Variants in GRM7 observed in about 807,000 individuals in gnomAD.
The protein encoded by GRM7 is metabotropic glutamate receptor 7.
GRM7 carries 35 observed loss-of-function variants against 84.5 expected under a neutral mutation model. The ratio of observed to expected loss-of-function variants is 0.41; its 90% confidence interval spans 0.32 to 0.55. The LOEUF (loss-of-function observed/expected upper bound fraction) is 0.55. Ranked by LOEUF, GRM7 falls within the 20% of genes least tolerant of loss-of-function variation. GRM7 has a pLI of 0.19. For missense variants in GRM7, 1,003 were observed against 1,194.6 expected (o/e 0.84, Z 2.36); for synonymous variants, 487 against 455.1 (o/e 1.07, Z -0.89).
intron 4 of GRM7, among the ~76,000 whole-genome samples, chr3:7,374,145 T>C (rs2125121126): frequency 6.6e-6 from 1 of 152,254 alleles, no homozygotes; most frequent in African/African-American, 2.4e-5. Context: ...CTTACTTGCA[T>C]GAAATATTAG....
chr3:7,447,156 C>T (rs375737696), intron 5 of GRM7, among the ~76,000 whole-genome samples: 18 of 151,974 alleles, frequency 1.2e-4, no homozygotes, highest in Admixed American at 5.9e-4. Flanking sequence ...TTATCTAAAC[C>T]GCAGACTCTT....
At chr3:6,969,650 C>G (rs1028851989) in intron 1 of GRM7, among the ~76,000 whole-genome samples, 4 of 152,176 alleles carry the variant, frequency 2.6e-5, no homozygotes, top group Non-Finnish European at 5.9e-5. Flanking sequence ...AATCCATTAT[C>G]CATCAGTTCT....
intron 4 of GRM7, among the ~76,000 whole-genome samples, chr3:7,412,752 C>G (rs1056952247): frequency 1.3e-5 from 2 of 151,758 alleles, no homozygotes; most frequent in Non-Finnish European, 2.9e-5. Flanking sequence ...ATTTATCTGT[C>G]TAATAAAAGG....
intron 2 of GRM7, among the ~76,000 whole-genome samples, chr3:7,225,461 AT>A (rs1460178720): frequency 6.8e-6 from 1 of 147,692 alleles, no homozygotes; most frequent in Non-Finnish European, 1.5e-5. Flanking sequence ...TATTAAAGAA[AT>A]TATAATTATA....
chr3:7,602,317 A>C (rs1696355353), intron 8 of GRM7, among the ~76,000 whole-genome samples: 1 of 152,226 alleles, frequency 6.6e-6, no homozygotes, highest in Middle Eastern at 3.4e-3. Flanking sequence ...ATCAGGTTTT[A>C]CAACCTGTGA....
chr3:7,703,793 G>A lies in GRM7; in HGVS notation c.2698+23498G>A, dbSNP rs545316425. On this transcript the variant is annotated intron_variant, in intron 9 of 9. Coordinates refer to ENST00000357716, the MANE Select transcript of GRM7 (RefSeq NM_000844.4). ...GCAGAAATGGAGGCTTAGAGAGACTGTGTAAGTTACTAAGTTCACATGGCT... is the reference window on the plus strand; with the variant it reads ...GCAGAAATGGAGGCTTAGAGAGACTATGTAAGTTACTAAGTTCACATGGCT... 2.6e-5 allele frequency among the ~76,000 whole-genome samples: 4 copies of A among 152,300 alleles called. No individual in the cohort carries two copies. In the South Asian group the frequency reaches 8.3e-4, roughly 32 times the overall value.
chr3:7,275,238 A>G (rs1055077535), intron 2 of GRM7, among the ~76,000 whole-genome samples: 2 of 152,166 alleles, frequency 1.3e-5, no homozygotes, highest in Non-Finnish European at 2.9e-5. Context: ...GCTGTTTTAA[A>G]TACGTGCTTC....
At chr3:7,174,779 A>T (rs942494979) in intron 2 of GRM7, among the ~76,000 whole-genome samples, 1 of 152,226 alleles carries the variant, frequency 6.6e-6, no homozygotes, top group African/African-American at 2.4e-5. Flanking sequence ...CTAGAGGCAA[A>T]GGGTACTGAT....
At chr3:7,242,260 T>A (rs551587318) in intron 2 of GRM7, among the ~76,000 whole-genome samples, 1 of 152,332 alleles carries the variant, frequency 6.6e-6, no homozygotes, top group South Asian at 2.1e-4. Flanking sequence ...GATGGATTCA[T>A]AATACGGGAT....
At chr3:7,161,370 TA>T (rs1694618781) in intron 2 of GRM7, among the ~76,000 whole-genome samples, 1 of 151,446 alleles carries the variant, frequency 6.6e-6, no homozygotes, top group African/African-American at 2.4e-5. Context: ...CGCTAGTAGT[TA>T]AAAAGGTGTT....
At chr3:6,989,181 A>G (rs1389034771) in intron 1 of GRM7, among the ~76,000 whole-genome samples, 1 of 152,222 alleles carries the variant, frequency 6.6e-6, no homozygotes, top group Non-Finnish European at 1.5e-5. Flanking sequence ...CTTTAAAGGT[A>G]TTTTGATGTT....
chr3:7,262,581 A>G (rs868221549), intron 2 of GRM7, among the ~76,000 whole-genome samples: 25 of 152,234 alleles, frequency 1.6e-4, no homozygotes, highest in Middle Eastern at 3.4e-3. Context: ...ACATTTTCAC[A>G]TTGTGAATTC....
rs949851289 is a variant in GRM7, at chr3:7,139,225, G to T, written c.520-7227G>T. On this transcript the variant is annotated intron_variant, in intron 1 of 9. Coordinates refer to ENST00000357716, the MANE Select transcript of GRM7 (RefSeq NM_000844.4). The stretch of plus-strand genomic sequence containing the variant: ...AAAGAAAGAACACCACAGAGATTTG[G>T]ACGTTTTGTCATATTTTCTTTTTAC... 2.0e-5 allele frequency among the ~76,000 whole-genome samples: 3 copies of T among 151,218 alleles called. No individual in the cohort carries two copies. The East Asian group carries it at 5.8e-4, about 29-fold the overall frequency.
intron 8 of GRM7, among the ~76,000 whole-genome samples, chr3:7,600,359 G>A (rs1485821979): frequency 2.6e-5 from 4 of 152,098 alleles, no homozygotes; most frequent in Admixed American, 1.3e-4. Flanking sequence ...GATCCCAGGG[G>A]TTGAGGTGGT....
At chr3:6,964,927 A>T (rs1693455876) in intron 1 of GRM7, among the ~76,000 whole-genome samples, 2 of 152,050 alleles carry the variant, frequency 1.3e-5, no homozygotes, top group African/African-American at 4.8e-5. Context: ...TTTATGTTTG[A>T]TAATTGACTG....
At chr3:7,189,227 GTA>G (rs1256714849) in intron 2 of GRM7, among the ~76,000 whole-genome samples, 2 of 152,086 alleles carry the variant, frequency 1.3e-5, no homozygotes, top group Non-Finnish European at 2.9e-5. Flanking sequence ...ATATGCATAT[GTA>G]TATACACACA....
At chr3:7,212,583 G>A (rs1423893777) in intron 2 of GRM7, among the ~76,000 whole-genome samples, 1 of 152,126 alleles carries the variant, frequency 6.6e-6, no homozygotes, top group Non-Finnish European at 1.5e-5. Context: ...CTGGTCTCTC[G>A]GGAATACAGG....
At chr3:7,392,320 C>T (rs930903423) in intron 4 of GRM7, among the ~76,000 whole-genome samples, 1 of 152,224 alleles carries the variant, frequency 6.6e-6, no homozygotes, top group Non-Finnish European at 1.5e-5. Context: ...CCACTCTAGT[C>T]CTGAGACAGG....
At chr3:7,514,861 C>T (rs901555823) in intron 7 of GRM7, among the ~76,000 whole-genome samples, 4 of 151,978 alleles carry the variant, frequency 2.6e-5, no homozygotes, top group African/African-American at 7.2e-5. Context: ...GAGTCCGCTT[C>T]GATGAAACTT....
Sources: gnomAD v4.1 joint callset for allele counts (sites outside exome capture counted in the v4.1 genomes callset) on GRCh38, gnomAD v4.1.1 for gene constraint, MANE v1.5 for transcripts, NCBI Gene and HGNC (gene_info 2026-07-23, HGNC 2026-07-21) for gene names.